The following TBCCD1 variants were observed in gnomAD, a reference collection of about 807,000 sequenced individuals.
TBCCD1 encodes the protein TBCC domain containing 1, also known as TBCC domain-containing protein 1.
Under a neutral mutation model 53.4 loss-of-function variants are expected in TBCCD1, and 26 were observed. The observed-to-expected ratio is 0.49, with a 90% CI of 0.36 to 0.68. The LOEUF (loss-of-function observed/expected upper bound fraction) is 0.68. Ranked by LOEUF, TBCCD1 falls within the 30% of genes least tolerant of loss-of-function variation. The probability of loss-of-function intolerance (pLI) is 0.00; values close to 1 mark genes in which losing one functional copy is unlikely to be tolerated. For missense variants in TBCCD1, 558 were observed against 669.5 expected (o/e 0.83, Z 1.84); for synonymous variants, 245 against 241.7 (o/e 1.01, Z -0.13).
chr3:186,555,098 CAT>C lies in TBCCD1; in HGVS notation c.860-16_860-15del. 6.3e-7 allele frequency: 1 copy of C among 1,581,906 alleles called. No individual in the cohort carries two copies. Among genetic ancestry groups the C allele is most frequent in the Non-Finnish European group, 8.6e-7 (1 of 1,164,044 alleles). ...TGGTCCCTTCAACTATTTAAGAAAA[CAT>C]ATAAATAGATGAGGCAGTATCAAAT... On this transcript the variant is annotated splice_polypyrimidine_tract_variant and intron_variant, in intron 4 of 7. Transcript: ENST00000338733.
intron 7 of TBCCD1, among the ~76,000 whole-genome samples, chr3:186,549,187 C>T (rs955719771): frequency 2.6e-5 from 4 of 152,116 alleles, no homozygotes; most frequent in Non-Finnish European, 4.4e-5. Context: ...ACTCAGGAGG[C>T]TGAGACAGGA....
chr3:186,565,020 T>C (rs1714786723), intron 1 of TBCCD1, among the ~76,000 whole-genome samples: 1 of 152,134 alleles, frequency 6.6e-6, no homozygotes, highest in Non-Finnish European at 1.5e-5. Flanking sequence ...TTATGGAATA[T>C]TTATAAAATA....
chr3:186,565,111 T>G (rs1160550830), intron 1 of TBCCD1, among the ~76,000 whole-genome samples: 1 of 140,028 alleles, frequency 7.1e-6, no homozygotes, highest in Non-Finnish European at 1.5e-5. Context: ...TTCTTCTTCT[T>G]TTTTTTTTTT....
Position 186,555,056 on chromosome 3 carries a change from A to C in TBCCD1, c.888T>G (p.Ile296Met). The C allele has an allele frequency of 6.2e-7, 1 of 1,608,988 alleles. No individual in the cohort carries two copies. Among genetic ancestry groups the C allele is most frequent in the Non-Finnish European group, 8.5e-7 (1 of 1,178,220 alleles). ...TAGGGGCCACATGAGTATTACAAGCAATCTTAGCTCTTTTGGTGGTCCCTT... is the reference window on the plus strand; with the variant it reads ...TAGGGGCCACATGAGTATTACAAGCCATCTTAGCTCTTTTGGTGGTCCCTT... ...QVEGTTKRAK[I>M]ACNTHVAPRM... Residue 296 changes from isoleucine (I) to methionine (M), a missense_variant, in exon 5 of 8, where the codon ATT (isoleucine) becomes ATG (methionine). Coordinates refer to ENST00000338733, the MANE Select transcript of TBCCD1 (RefSeq NM_018138.5).
chr3:186,562,605 A>G (rs1246138725), intron 2 of TBCCD1, among the ~76,000 whole-genome samples: 1 of 152,132 alleles, frequency 6.6e-6, no homozygotes, highest in Non-Finnish European at 1.5e-5. Flanking sequence ...CTGAAGATCT[A>G]CTCTACAGCA....
Position 186,556,724 on chromosome 3 carries a change from G to A in TBCCD1, c.544C>T (p.Leu182Phe). The A allele has an allele frequency of 6.2e-7, 1 of 1,614,084 alleles. No homozygotes were observed. Among genetic ancestry groups the A allele is most frequent in the South Asian group, 1.1e-5 (1 of 91,078 alleles). ...TTTGGATCTAAAAGCAGCTCGAGGA[G>A]ATCAGACAGATGATCATAGACAAAA... ...QAFVYDHLSD[L>F]LELLLDPKQL... is the part of the protein sequence containing the mutation. Residue 182 changes from leucine to phenylalanine, a missense_variant, in exon 4 of 8, where the codon CTC (leucine) becomes TTC (phenylalanine). Physicochemically the swap from Leu to Phe is conservative, Grantham distance 22. Coordinates refer to ENST00000338733, the MANE Select transcript of TBCCD1 (RefSeq NM_018138.5).
rs770725370 is a variant in TBCCD1 at position 186,554,929 on chromosome 3, C to T, written c.1015G>A (p.Glu339Lys). 38 of 1,613,546 alleles carry T rather than the reference C, an allele frequency of 2.4e-5. No individual in the cohort carries two copies. Among genetic ancestry groups the T allele is most frequent in the African/African-American group, 9.3e-5 (7 of 74,894 alleles). Reference protein sequence around the residue: ...GAHVKIHRCNESFIYLLSPLR... With the variant: ...GAHVKIHRCNKSFIYLLSPLR... Reference sequence around the variant, plus strand: ...GGAGAGAGCAGATATATAAAAGATTCGTTGCAACGATGAATCTTTACATGT... The same window carrying T: ...GGAGAGAGCAGATATATAAAAGATTTGTTGCAACGATGAATCTTTACATGT... Residue 339 changes from glutamate (E) to lysine (K), a missense_variant, in exon 5 of 8, where the codon GAA becomes AAA. Physicochemically the swap from Glu to Lys is moderately conservative, Grantham distance 56. Transcript: ENST00000338733.
intron 2 of TBCCD1, 139 bp from the exon 3 acceptor site, chr3:186,558,711 T>C (rs1714611011): frequency 2.4e-6 from 2 of 824,732 alleles, no homozygotes; most frequent in Non-Finnish European, 3.7e-6. Context: ...TTTTGATATG[T>C]ATGTCTCTGG....
upstream of TBCCD1, chr3:186,570,216 C>A: frequency 3.0e-6 from 2 of 666,300 alleles, no homozygotes; most frequent in South Asian, 3.2e-5. Context: ...AAATAAGAGG[C>A]CTAAGCAATG....
chr3:186,566,779 C>T (rs778522196), intron 1 of TBCCD1, among the ~76,000 whole-genome samples: 2 of 152,156 alleles, frequency 1.3e-5, no homozygotes, highest in Non-Finnish European at 2.9e-5. Context: ...AGCTGTCTTC[C>T]AATGTGGAGA....
intron 2 of TBCCD1, among the ~76,000 whole-genome samples, chr3:186,559,025 G>C (rs559665434): frequency 6.6e-6 from 1 of 152,176 alleles, no homozygotes; most frequent in African/African-American, 2.4e-5. Flanking sequence ...GATTACAGGC[G>C]TGAACCCCTG....
At chr3:186,557,195 T>C (rs1714568796) in intron 3 of TBCCD1, among the ~76,000 whole-genome samples, 2 of 152,370 alleles carry the variant, frequency 1.3e-5, no homozygotes, top group Non-Finnish European at 2.9e-5. Flanking sequence ...CACCATTTAT[T>C]GGTGCTTACT....
chr3:186,555,292 TA>T lies in TBCCD1; in HGVS notation c.860-209del, dbSNP rs547356987. On this transcript the variant is annotated intron_variant, in intron 4 of 7. Transcript: ENST00000338733. ...ATGTTTGGAATTTTCATTTTTGTTA[TA>T]AAAAAAATTTTAAAACCTATAATGA... Among the ~76,000 whole-genome samples, 7 of 152,224 alleles carry T rather than the reference TA, an allele frequency of 4.6e-5. No individual in the cohort carries two copies. The East Asian group carries it at 5.8e-4, about 13-fold the overall frequency.
chr3:186,549,594 G>A (rs1276454202), intron 7 of TBCCD1, among the ~76,000 whole-genome samples: 74 of 152,332 alleles, frequency 4.9e-4, no homozygotes, highest in Non-Finnish European at 1.3e-4. Flanking sequence ...GGAGTTGGAG[G>A]CTGCAGTGAG....
In TBCCD1 at chr3:186,554,438, C is replaced by T. The variant is rs745755435; in HGVS notation, c.1360G>A (p.Asp454Asn). Residue 454 changes from aspartate to asparagine, a missense_variant, in exon 6 of 8, where the codon GAC becomes AAC. Coordinates refer to ENST00000338733, the MANE Select transcript of TBCCD1 (RefSeq NM_018138.5). ...NPMVVCRENSDTRVFQLLPPC... is the reference protein window; with the variant it reads ...NPMVVCRENSNTRVFQLLPPC... The stretch of plus-strand genomic sequence containing the variant: ...GGTAAAAGCTGGAAGACTCTTGTGT[C>T]GCTGTTCTCTCTGCACACAACCATT... 25 of 1,614,074 alleles carry T rather than the reference C, an allele frequency of 1.5e-5. No individual in the cohort carries two copies. Among genetic ancestry groups the T allele is most frequent in the Non-Finnish European group, 2.0e-5 (24 of 1,180,042 alleles).
chr3:186,565,171 CATG>C (rs1714793753), intron 1 of TBCCD1, among the ~76,000 whole-genome samples: 1 of 142,122 alleles, frequency 7.0e-6, no homozygotes, highest in African/African-American at 2.7e-5. Context: ...AGTGCAGTGG[CATG>C]ATCTCAGCTC....
intron 7 of TBCCD1, among the ~76,000 whole-genome samples, chr3:186,549,497 C>T (rs1180539898): frequency 6.6e-6 from 1 of 152,052 alleles, no homozygotes; most frequent in Non-Finnish European, 1.5e-5. Context: ...CAAAGTGAGA[C>T]CCTGTCTCTA....
In TBCCD1 at chr3:186,554,431, C is replaced by G. The variant is rs764035267; in HGVS notation, c.1367G>C (p.Arg456Thr). The change falls in exon 6 of 8, where the codon AGA becomes ACA. Residue 456 changes from arginine (R) to threonine (T), a missense_variant. Coordinates refer to ENST00000338733, the MANE Select transcript of TBCCD1 (RefSeq NM_018138.5). ...ACAAGGTGGTAAAAGCTGGAAGACTCTTGTGTCGCTGTTCTCTCTGCACAC... is the reference window on the plus strand; with the variant it reads ...ACAAGGTGGTAAAAGCTGGAAGACTGTTGTGTCGCTGTTCTCTCTGCACAC... The part of the protein sequence containing the change: ...MVVCRENSDT[R>T]VFQLLPPCEF... 10 of 1,614,110 alleles carry G rather than the reference C, an allele frequency of 6.2e-6. No individual in the cohort carries two copies. The highest frequency in any genetic ancestry group is 7.6e-6 in the Non-Finnish European group (9 of 1,180,054).
upstream of TBCCD1, chr3:186,570,515 GT>G: frequency 4.1e-6 from 2 of 491,316 alleles, no homozygotes; most frequent in Non-Finnish European, 7.1e-6. Flanking sequence ...GGCAGAGCGG[GT>G]TCCTGCAGCG....
Sources: gnomAD v4.1 joint callset for allele counts (sites outside exome capture counted in the v4.1 genomes callset) on GRCh38, gnomAD v4.1.1 for gene constraint, MANE v1.5 for transcripts, NCBI Gene and HGNC (gene_info 2026-07-23, HGNC 2026-07-21) for gene names.